Variants in SYN3 observed in about 807,000 individuals in gnomAD.
The protein encoded by SYN3 is synapsin III.
A neutral mutation model predicts 65.8 loss-of-function variants in SYN3; 35 were observed. The observed-to-expected ratio is 0.53, with a 90% CI of 0.41 to 0.70. SYN3 has a LOEUF of 0.70. Among genes scored for constraint, SYN3 ranks in the 30% least tolerant of loss-of-function variants. The pLI is 0.00. For synonymous variants in SYN3, 270 were observed against 292.9 expected (o/e 0.92, Z 0.80); for missense variants, 680 against 749.0 (o/e 0.91, Z 1.08).
chr22:32,916,901 A>G lies in SYN3; in HGVS notation c.461+14489T>C, dbSNP rs539954656. Among the ~76,000 whole-genome samples the G allele has an allele frequency of 2.0e-5, 3 of 152,168 alleles. No individual in the cohort carries two copies. In the South Asian group the frequency reaches 6.2e-4, roughly 32 times the overall value. On this transcript the variant is annotated intron_variant, in intron 4 of 13. Coordinates refer to ENST00000358763, the MANE Select transcript of SYN3 (RefSeq NM_003490.4). ...AGTAAATGCAAACTGTAAATGGAGC[A>G]CTCCATCCCTGTTGTGGGGCTCTCC...
intron 6 of SYN3, among the ~76,000 whole-genome samples, chr22:32,671,405 C>G (rs760624767): frequency 6.6e-6 from 1 of 152,066 alleles, no homozygotes; most frequent in Non-Finnish European, 1.5e-5. Flanking sequence ...CTCTCACACT[C>G]ATCTCACATA....
chr22:32,524,131 G>A (rs967178980), intron 12 of SYN3, among the ~76,000 whole-genome samples: 4 of 152,230 alleles, frequency 2.6e-5, no homozygotes, highest in African/African-American at 9.6e-5. Flanking sequence ...AACAAAAACT[G>A]CAAGGTGAAG....
chr22:32,575,403 C>A (rs1050538687), intron 7 of SYN3, among the ~76,000 whole-genome samples: 1 of 151,736 alleles, frequency 6.6e-6, no homozygotes, highest in Non-Finnish European at 1.5e-5. Flanking sequence ...CGTGTTCTGG[C>A]GAGGGAGTGG....
chr22:32,763,950 T>A (rs1006518188), intron 6 of SYN3, among the ~76,000 whole-genome samples: 1 of 147,842 alleles, frequency 6.8e-6, no homozygotes, highest in African/African-American at 2.4e-5. Flanking sequence ...CCCCCTTTTT[T>A]TTTTTGAGAC....
At chr22:32,625,571 C>T (rs2059654724) in intron 6 of SYN3, among the ~76,000 whole-genome samples, 1 of 152,156 alleles carries the variant, frequency 6.6e-6, no homozygotes, top group Non-Finnish European at 1.5e-5. Flanking sequence ...CTTTAGCATC[C>T]TTCTTCTTTC....
intron 3 of SYN3, among the ~76,000 whole-genome samples, chr22:32,968,061 C>A (rs2051899886): frequency 6.6e-6 from 1 of 152,154 alleles, no homozygotes; most frequent in Admixed American, 6.5e-5. Context: ...AGTGGCTGGA[C>A]TAAGGTGGTG....
At chr22:32,912,652 T>C (rs1000415599) in intron 4 of SYN3, among the ~76,000 whole-genome samples, 6 of 151,904 alleles carry the variant, frequency 3.9e-5, no homozygotes, top group African/African-American at 1.5e-4. Flanking sequence ...GCTCAGGAGA[T>C]TGAGGCTGCA....
intron 12 of SYN3, among the ~76,000 whole-genome samples, chr22:32,521,795 C>T (rs551231062): frequency 7.9e-5 from 12 of 152,236 alleles, no homozygotes; most frequent in Admixed American, 1.3e-4. Context: ...CTAAACCCAC[C>T]GCAGTTCAAA....
intron 3 of SYN3, among the ~76,000 whole-genome samples, chr22:32,955,901 G>C (rs8139118): frequency 0.25 from 37,752 of 151,554 alleles, 4,783 homozygotes; most frequent in Non-Finnish European, 0.27. Flanking sequence ...TTTCTCCATG[G>C]TGGATGCTTC....
intron 6 of SYN3, among the ~76,000 whole-genome samples, chr22:32,766,253 A>C (rs888605809): frequency 1.3e-5 from 2 of 152,226 alleles, no homozygotes; most frequent in Non-Finnish European, 2.9e-5. Flanking sequence ...CCATGACCCC[A>C]GCTGTGTATC....
chr22:32,711,666 G>A (rs1176127830), intron 6 of SYN3, among the ~76,000 whole-genome samples: 2 of 152,124 alleles, frequency 1.3e-5, no homozygotes, highest in African/African-American at 4.8e-5. Flanking sequence ...GCTACCACTG[G>A]AAGAAATCTC....
intron 6 of SYN3, among the ~76,000 whole-genome samples, chr22:32,794,252 GA>G (rs2046381737): frequency 6.6e-6 from 1 of 152,240 alleles, no homozygotes; most frequent in South Asian, 2.1e-4. Context: ...CTTCTGAGGA[GA>G]AACTAGCTTC....
intron 2 of SYN3, among the ~76,000 whole-genome samples, chr22:32,986,194 G>A (rs1011678360): frequency 1.3e-5 from 2 of 152,112 alleles, no homozygotes; most frequent in African/African-American, 2.4e-5. Context: ...GCCTTTCCTG[G>A]AGACACTTGA....
chr22:32,741,347 ATTTTTTTTT>A (rs71187210), intron 6 of SYN3, among the ~76,000 whole-genome samples: 3 of 98,650 alleles, frequency 3.0e-5, no homozygotes, highest in African/African-American at 7.7e-5. Context: ...CTAGAGCCCA[ATTTTTTTTT>A]TTTTTTTTTT....
At chr22:32,902,463 A>G (rs1275706631) in intron 4 of SYN3, among the ~76,000 whole-genome samples, 2 of 152,234 alleles carry the variant, frequency 1.3e-5, no homozygotes, top group African/African-American at 4.8e-5. Flanking sequence ...CTGAAGATAG[A>G]GGAAGCCATT....
At chr22:32,969,377 C>T (rs979875637) in intron 3 of SYN3, among the ~76,000 whole-genome samples, 3 of 152,230 alleles carry the variant, frequency 2.0e-5, no homozygotes, top group Admixed American at 6.5e-5. Context: ...GCCCTCGCTG[C>T]TTGGAGCTCT....
chr22:32,857,126 T>C (rs1022125761), intron 6 of SYN3: 11 of 763,868 alleles, frequency 1.4e-5, no homozygotes, highest in Non-Finnish European at 2.6e-5. Context: ...AACATGAGAG[T>C]GCAGACCCCT....
chr22:32,697,955 G>A (rs2060760029), intron 6 of SYN3, among the ~76,000 whole-genome samples: 1 of 152,130 alleles, frequency 6.6e-6, no homozygotes, highest in African/African-American at 2.4e-5. Context: ...GCAGAGCTGA[G>A]ATGCCCAGTC....
rs189947400 is a variant in SYN3 at position 32,849,350 on chromosome 22, C to T, written c.711+15565G>A. ...TCCAGTTGGCTCCAAGGTAAGAGTG[C>T]AATTCCAGGCTCCACAGAGGCTAGC... On this transcript the variant is annotated intron_variant, in intron 6 of 13. Coordinates refer to ENST00000358763, the MANE Select transcript of SYN3 (RefSeq NM_003490.4). 9.6e-4 allele frequency: 910 copies of T among 945,644 alleles called. 7 individuals are homozygous for T. The highest frequency in any genetic ancestry group is 1.4e-3 in the Non-Finnish European group (819 of 595,598). 58.6% of individuals were successfully genotyped at this position (945,644 alleles called of 1,614,324 possible).
Sources: gnomAD v4.1 joint callset for allele counts (sites outside exome capture counted in the v4.1 genomes callset) on GRCh38, gnomAD v4.1.1 for gene constraint, MANE v1.5 for transcripts, NCBI Gene and HGNC (gene_info 2026-07-23, HGNC 2026-07-21) for gene names.